The following MLLT10 variants were observed in gnomAD, a reference collection of about 807,000 sequenced individuals.
The protein encoded by MLLT10 is MLLT10 histone lysine methyltransferase DOT1L cofactor, also known as protein AF-10.
In MLLT10, 30 loss-of-function variants were observed where a neutral mutation model predicts 129.1. The observed-to-expected ratio is 0.23, with a 90% CI of 0.17 to 0.32. The LOEUF is 0.32. MLLT10 is among the 10% of genes least tolerant of loss of function. The pLI, the probability that MLLT10 is intolerant of heterozygous loss-of-function variation, is 1.00. For missense variants in MLLT10, 1,119 were observed against 1,268.3 expected (o/e 0.88, Z 1.79); for synonymous variants, 490 against 446.4 (o/e 1.10, Z -1.23).
chr10:21,736,865 C>T (rs745336018), intron 21 of MLLT10, among the ~76,000 whole-genome samples: 1 of 152,114 alleles, frequency 6.6e-6, no homozygotes. Context: ...TGAGAGCCAT[C>T]AGATTTGATG....
chr10:21,682,768 A>G (rs776239864), intron 13 of MLLT10, among the ~76,000 whole-genome samples: 22 of 152,144 alleles, frequency 1.4e-4, no homozygotes, highest in Non-Finnish European at 2.6e-4. Flanking sequence ...CTTTTGCTGC[A>G]TTGGGTTCTG....
chr10:21,572,203 A>T (rs1352588505), intron 3 of MLLT10, among the ~76,000 whole-genome samples: 3 of 152,214 alleles, frequency 2.0e-5, no homozygotes, highest in Non-Finnish European at 4.4e-5. Flanking sequence ...GGAACATCAC[A>T]TGGCTGCATA....
chr10:21,582,278 C>T (rs956890745), intron 3 of MLLT10, among the ~76,000 whole-genome samples: 3 of 151,956 alleles, frequency 2.0e-5, no homozygotes, highest in Non-Finnish European at 4.4e-5. Flanking sequence ...CCACCACATG[C>T]AGCTAATTTT....
chr10:21,639,033 T>C (rs1185292910), intron 8 of MLLT10, among the ~76,000 whole-genome samples: 1 of 152,214 alleles, frequency 6.6e-6, no homozygotes, highest in Non-Finnish European at 1.5e-5. Context: ...TTTTCGACTT[T>C]CCTCAGATCC....
chr10:21,710,343 C>G (rs1009410434), intron 13 of MLLT10, among the ~76,000 whole-genome samples: 2 of 152,174 alleles, frequency 1.3e-5, no homozygotes, highest in Non-Finnish European at 2.9e-5. Flanking sequence ...ATTAAAGTCT[C>G]TATGCCCTGT....
chr10:21,593,926 TAA>T (rs61561146), intron 4 of MLLT10, among the ~76,000 whole-genome samples: 704 of 45,440 alleles, frequency 0.015, 9 homozygotes, highest in African/African-American at 0.068. Context: ...GCTTTGTCTT[TAA>T]AAAAAAAAAA....
At chr10:21,717,513 T>TCCC (rs1204073696) in intron 14 of MLLT10, among the ~76,000 whole-genome samples, 1 of 45,992 alleles carries the variant, frequency 2.2e-5, no homozygotes, top group African/African-American at 7.4e-5. Flanking sequence ...CTCCTCCTCC[T>TCCC]CCACCACCTC....
intron 13 of MLLT10, among the ~76,000 whole-genome samples, chr10:21,704,016 GTTTTTTTTTTTT>G (rs60982595): frequency 1.8e-5 from 1 of 56,634 alleles, no homozygotes; most frequent in South Asian, 9.4e-4. Context: ...ATTGTTTTTT[GTTTTTTTTTTTT>G]TTTTTTTTTT....
intron 14 of MLLT10, among the ~76,000 whole-genome samples, chr10:21,715,757 A>G (rs1188857693): frequency 6.6e-6 from 1 of 152,240 alleles, no homozygotes; most frequent in Non-Finnish European, 1.5e-5. Context: ...TCCACTTGAC[A>G]TGTGACTCAA....
At chr10:21,659,133 T>A (rs1029737862) in intron 9 of MLLT10, among the ~76,000 whole-genome samples, 6 of 150,620 alleles carry the variant, frequency 4.0e-5, no homozygotes, top group Admixed American at 6.6e-5. Context: ...TTGCAGATAC[T>A]TATCTCACTC....
chr10:21,647,705 G>A (rs183714979), intron 8 of MLLT10, among the ~76,000 whole-genome samples: 87 of 148,692 alleles, frequency 5.9e-4, no homozygotes, highest in African/African-American at 1.9e-3. Flanking sequence ...TTTGCGGGGG[G>A]CGGGGGGATT....
chr10:21,629,051 G>T (rs1475469594), intron 8 of MLLT10, among the ~76,000 whole-genome samples: 1 of 151,692 alleles, frequency 6.6e-6, no homozygotes, highest in Non-Finnish European at 1.5e-5. Context: ...GCCGCTGGAG[G>T]ATATTCTCTA....
intron 8 of MLLT10, among the ~76,000 whole-genome samples, chr10:21,640,755 A>G (rs1033295643): frequency 2.0e-5 from 3 of 152,246 alleles, no homozygotes; most frequent in Non-Finnish European, 4.4e-5. Context: ...CTCAAAAGAC[A>G]TGCAGAAATA....
chr10:21,662,187 AC>A (rs995323979), intron 9 of MLLT10, among the ~76,000 whole-genome samples: 5 of 150,642 alleles, frequency 3.3e-5, no homozygotes, highest in African/African-American at 1.2e-4. Context: ...TACTTCCCTT[AC>A]CCCCTCCTTT....
At chr10:21,674,692 T>C (rs917792189) in intron 11 of MLLT10, among the ~76,000 whole-genome samples, 9 of 152,194 alleles carry the variant, frequency 5.9e-5, no homozygotes, top group African/African-American at 1.7e-4. Context: ...ATGTCAGCAT[T>C]TATCTTTTAA....
At position 21,534,359 on chromosome 10, in the gene MLLT10, C is replaced by A; in HGVS notation, c.-162C>A. Reference sequence around the variant, plus strand: ...GGAGGCCCTCTTGATTATGTGTGCCCTCTCCGGGCGCCCGCGTTAGCGGCC... The same window carrying A: ...GGAGGCCCTCTTGATTATGTGTGCCATCTCCGGGCGCCCGCGTTAGCGGCC... On this transcript the variant is annotated 5_prime_UTR_variant, in exon 1 of 23. Transcript: ENST00000307729. The A allele has an allele frequency of 2.5e-6, 1 of 403,664 alleles. No individual in the cohort carries two copies. Among genetic ancestry groups the A allele is most frequent in the Non-Finnish European group, 4.5e-6 (1 of 221,714 alleles). 25.0% of individuals were successfully genotyped at this position (403,664 alleles called of 1,614,324 possible).
chr10:21,738,748 T>C (rs897983271), intron 21 of MLLT10, among the ~76,000 whole-genome samples: 1 of 152,168 alleles, frequency 6.6e-6, no homozygotes, highest in African/African-American at 2.4e-5. Flanking sequence ...TTCCTCCTCT[T>C]AGCTTCCAGG....
intron 4 of MLLT10, 75 bp downstream of exon 4, chr10:21,586,423 T>C (rs1350052550): frequency 2.8e-6 from 3 of 1,082,350 alleles, no homozygotes; most frequent in Non-Finnish European, 4.0e-6. Context: ...ATTTGGTAGT[T>C]TATTTTATTT....
intron 4 of MLLT10, among the ~76,000 whole-genome samples, chr10:21,589,599 T>C (rs1386237369): frequency 2.0e-5 from 3 of 152,322 alleles, no homozygotes; most frequent in Non-Finnish European, 4.4e-5. Flanking sequence ...TTTTCCTCTT[T>C]CTGAATCCTC....
Sources: allele counts gnomAD v4.1 joint callset (sites outside exome capture counted in the v4.1 genomes callset), GRCh38; gene constraint gnomAD v4.1.1; transcripts MANE v1.5; gene names NCBI Gene and HGNC (gene_info 2026-07-23, HGNC 2026-07-21).